FAM227A: variants seen among roughly 807,000 people sequenced by gnomAD.
FAM227A encodes protein FAM227A.
Under a neutral mutation model 74.7 loss-of-function variants are expected in FAM227A, and 80 were observed. The ratio of observed to expected loss-of-function variants is 1.07; its 90% CI spans 0.89 to 1.29. The LOEUF (loss-of-function observed/expected upper bound fraction) is 1.29, where lower values mean the gene tolerates loss of function less well. Ranked by LOEUF, FAM227A falls within the 50% of genes most tolerant of loss-of-function variation. The pLI is 0.00. For missense variants in FAM227A, 654 were observed against 683.4 expected (o/e 0.96, Z 0.48); for synonymous variants, 237 against 241.8 (o/e 0.98, Z 0.19).
chr22:38,643,314 T>TC (rs1347001441), intron 3 of FAM227A, among the ~76,000 whole-genome samples: 1 of 130,852 alleles, frequency 7.6e-6, no homozygotes. Flanking sequence ...AGATTCTGTC[T>TC]CAAAAAAAAA....
intron 3 of FAM227A, among the ~76,000 whole-genome samples, chr22:38,644,224 A>G (rs2092180825): frequency 6.6e-6 from 1 of 151,788 alleles, no homozygotes; most frequent in Non-Finnish European, 1.5e-5. Context: ...TAAAAAGGCT[A>G]CGTACTATAT....
chr22:38,609,359 C>T (rs867630132), intron 11 of FAM227A, among the ~76,000 whole-genome samples: 1 of 152,136 alleles, frequency 6.6e-6, no homozygotes, highest in Non-Finnish European at 1.5e-5. Flanking sequence ...TTTGTTTTCA[C>T]AGGTGAAGGG....
chr22:38,629,715 G>T (rs2091880275), intron 6 of FAM227A, among the ~76,000 whole-genome samples: 1 of 127,230 alleles, frequency 7.9e-6, no homozygotes, highest in East Asian at 2.4e-4. Flanking sequence ...TCACACACAG[G>T]TGCCTCTCCT....
rs1222486633 is a variant in FAM227A, at chr22:38,582,100, C to T, written c.*4025G>A. 3 of 451,106 alleles carry T rather than the reference C, an allele frequency of 6.7e-6. No individual in the cohort carries two copies. Among genetic ancestry groups the T allele is most frequent in the African/African-American group, 4.0e-5 (2 of 49,944 alleles). 27.9% of individuals were successfully genotyped at this position (451,106 alleles called of 1,614,324 possible). On this transcript the variant is annotated 3_prime_UTR_variant, in exon 17 of 17. Coordinates refer to ENST00000535113, the MANE Select transcript of FAM227A (RefSeq NM_001013647.2). ...TAATTGACATATGAGAAACTGCACA[C>T]ATTTAAAGTGTATTTAGGTGTGTAT...
In FAM227A at chr22:38,628,892, GAAGAA is replaced by G. The variant is rs967094474; in HGVS notation, c.558_562del (p.Ser187PhefsTer9). ...ATCCAGCCAGATGGCTCTTGGAGAA[GAAGAA>G]GAGAGAAACTTCTCTAATTCTCTAC... On this transcript the variant is annotated frameshift_variant, in exon 7 of 17. Transcript: ENST00000535113. LOFTEE classifies it high-confidence loss of function. The G allele has an allele frequency of 9.7e-6, 15 of 1,545,388 alleles. No homozygotes were observed. The highest frequency in any genetic ancestry group is 2.4e-5 in the South Asian group (2 of 82,912).
intron 13 of FAM227A, among the ~76,000 whole-genome samples, chr22:38,603,792 C>A (rs2146235768): frequency 6.6e-6 from 1 of 152,050 alleles, no homozygotes; most frequent in South Asian, 2.1e-4. Flanking sequence ...ATGCTTAAGC[C>A]AATTTTTAGC....
intron 11 of FAM227A, among the ~76,000 whole-genome samples, chr22:38,609,630 G>A (rs1602929781): frequency 6.6e-6 from 1 of 152,306 alleles, no homozygotes; most frequent in Non-Finnish European, 1.5e-5. Context: ...ATTTGAATGG[G>A]CAGGAGAAAG....
At chr22:38,655,013 G>A (rs566690663) in intron 1 of FAM227A, among the ~76,000 whole-genome samples, 5 of 150,866 alleles carry the variant, frequency 3.3e-5, no homozygotes, top group South Asian at 2.1e-4. Context: ...GGTGGCGGGC[G>A]CCTGTAGTCC....
At chr22:38,643,193 G>A (rs1387043754) in intron 3 of FAM227A, among the ~76,000 whole-genome samples, 2 of 151,810 alleles carry the variant, frequency 1.3e-5, no homozygotes, top group Non-Finnish European at 2.9e-5. Context: ...GTGGGTGCCT[G>A]TAATCCCAGC....
chr22:38,649,413 A>T (rs2092290516), intron 2 of FAM227A, among the ~76,000 whole-genome samples: 1 of 151,516 alleles, frequency 6.6e-6, no homozygotes, highest in Non-Finnish European at 1.5e-5. Context: ...AAAAATACAA[A>T]AAATTAGCTG....
chr22:38,600,304 A>ATGTG (rs1254827904), intron 13 of FAM227A, among the ~76,000 whole-genome samples: 2 of 145,082 alleles, frequency 1.4e-5, no homozygotes, highest in Non-Finnish European at 3.0e-5. Context: ...GTGTGTGTGT[A>ATGTG]TGTGTATGTA....
chr22:38,626,378 ACTTT>A, intron 8 of FAM227A, 75 bp from the exon 9 acceptor site: 3 of 1,472,922 alleles, frequency 2.0e-6, no homozygotes, highest in Non-Finnish European at 1.8e-6. Context: ...ATGAGGAAGG[ACTTT>A]CTTTTTTTAT....
intron 5 of FAM227A, among the ~76,000 whole-genome samples, chr22:38,638,075 G>A (rs2092041013): frequency 6.6e-6 from 1 of 152,232 alleles, no homozygotes; most frequent in African/African-American, 2.4e-5. Context: ...TAAGACAGGA[G>A]AATCACTTGA....
chr22:38,644,585 G>A (rs892556217), intron 3 of FAM227A, among the ~76,000 whole-genome samples: 10 of 140,844 alleles, frequency 7.1e-5, no homozygotes, highest in African/African-American at 1.5e-4. Context: ...GTCCAAATTC[G>A]TAGAATGTAC....
chr22:38,622,007 A>G (rs1410044404), intron 10 of FAM227A, among the ~76,000 whole-genome samples: 1 of 152,088 alleles, frequency 6.6e-6, no homozygotes, highest in Non-Finnish European at 1.5e-5. Flanking sequence ...TTGGAGGTGG[A>G]ACTCTACTCC....
intron 15 of FAM227A, 83 bp downstream of exon 15, chr22:38,597,121 C>T (rs2091062848): frequency 1.4e-6 from 2 of 1,380,740 alleles, no homozygotes; most frequent in African/African-American, 1.4e-5. Context: ...CCCTGCCCCA[C>T]CAACCCATTT....
At chr22:38,599,534 T>G (rs568750321) in intron 14 of FAM227A, among the ~76,000 whole-genome samples, 1 of 152,154 alleles carries the variant, frequency 6.6e-6, no homozygotes, top group Admixed American at 6.5e-5. Flanking sequence ...ACAAGGAAAT[T>G]TGACACACCC....
Position 38,585,863 on chromosome 22 carries a change from T to C in FAM227A, c.*262A>G, listed in dbSNP as rs2090795274. The C allele has an allele frequency of 1.4e-6, 1 of 737,402 alleles. No homozygotes were observed. Among genetic ancestry groups the C allele is most frequent in the East Asian group, 2.8e-5 (1 of 36,296 alleles). 45.7% of individuals were successfully genotyped at this position (737,402 alleles called of 1,614,324 possible). A position where few individuals can be genotyped will look rare whatever the true frequency, so the allele number is the denominator to read the frequency against. On this transcript the variant is annotated 3_prime_UTR_variant, in exon 17 of 17. Coordinates refer to ENST00000535113, the MANE Select transcript of FAM227A (RefSeq NM_001013647.2). ...TTACCTTTGTATGAGGTCATATTTG[T>C]AACATACTTACCAGCATGCACGTAA...
chr22:38,587,137 A>C (rs549738581), intron 16 of FAM227A, among the ~76,000 whole-genome samples: 1 of 152,244 alleles, frequency 6.6e-6, no homozygotes. Flanking sequence ...TAAGAGGGAA[A>C]TTTATAGCCA....
Sources: allele counts gnomAD v4.1 joint callset (sites outside exome capture counted in the v4.1 genomes callset), GRCh38; gene constraint gnomAD v4.1.1; transcripts MANE v1.5; gene names NCBI Gene and HGNC (gene_info 2026-07-23, HGNC 2026-07-21).